EPSTI1: variants seen among roughly 807,000 people sequenced by gnomAD.
EPSTI1 encodes epithelial stromal interaction 1, also known as epithelial-stromal interaction protein 1.
Under a neutral mutation model 49.9 loss-of-function variants are expected in EPSTI1, and 66 were observed. The ratio of observed to expected loss-of-function variants is 1.32; its 90% CI spans 1.08 to 1.62. The LOEUF (loss-of-function observed/expected upper bound fraction) is 1.62. EPSTI1 is among the 40% of genes most tolerant of loss of function. The probability of loss-of-function intolerance (pLI) is 0.00; values close to 1 mark genes in which losing one functional copy is unlikely to be tolerated. For missense variants in EPSTI1, 394 were observed against 365.5 expected (o/e 1.08, Z -0.64); for synonymous variants, 137 against 130.7 (o/e 1.05, Z -0.33).
chr13:42,959,903 T>C (rs2039394376), intron 5 of EPSTI1, among the ~76,000 whole-genome samples: 1 of 152,264 alleles, frequency 6.6e-6, no homozygotes, highest in South Asian at 2.1e-4. Context: ...GCATCTATAC[T>C]GAATATGTAA....
chr13:42,967,308 A>AAAAG (rs1566167574), intron 3 of EPSTI1, among the ~76,000 whole-genome samples: 12 of 41,078 alleles, frequency 2.9e-4, no homozygotes, highest in Non-Finnish European at 4.2e-4. Context: ...AAAAAAAAAA[A>AAAAG]AAAGAAAATC....
At chr13:42,909,086 T>G (rs2037588508) in intron 8 of EPSTI1, among the ~76,000 whole-genome samples, 2 of 108,800 alleles carry the variant, frequency 1.8e-5, no homozygotes, top group Admixed American at 1.1e-4. Context: ...AGAGCGAAAC[T>G]CCATCTCAAA....
intron 6 of EPSTI1, among the ~76,000 whole-genome samples, chr13:42,952,766 G>A (rs1270897513): frequency 1.3e-5 from 2 of 152,188 alleles, no homozygotes; most frequent in African/African-American, 4.8e-5. Flanking sequence ...CTGGGTAGCA[G>A]AAACACAGTA....
Position 42,946,313 on chromosome 13 carries a change from T to C in EPSTI1, c.563+7635A>G, listed in dbSNP as rs192895188. Among the ~76,000 whole-genome samples the C allele has an allele frequency of 5.1e-3, 781 of 152,344 alleles. 8 individuals are homozygous for C. The highest frequency in any genetic ancestry group is 7.6e-3 in the Non-Finnish European group (516 of 68,034). On this transcript the variant is annotated intron_variant, in intron 6 of 10. Transcript: ENST00000313624. Reference sequence around the variant, plus strand: ...CTTTCCAATATTACAATCGGCAGGCTGAGCTCAAGGTGGTGCAAGGCAATT... The same window carrying C: ...CTTTCCAATATTACAATCGGCAGGCCGAGCTCAAGGTGGTGCAAGGCAATT...
chr13:42,986,396 C>A (rs979829605), intron 1 of EPSTI1, among the ~76,000 whole-genome samples: 1 of 105,130 alleles, frequency 9.5e-6, no homozygotes, highest in Admixed American at 8.7e-5. Flanking sequence ...CCCTAGACAG[C>A]TAGCTTAAGA....
In EPSTI1 at chr13:42,926,026, T is replaced by TGGAAGGAAGGAAGGAAGGAAGGAAGGAA. The variant is rs60372725; in HGVS notation, c.657+309_657+310insTTCCTTCCTTCCTTCCTTCCTTCCTTCC. On this transcript the variant is annotated intron_variant, in intron 7 of 10. Transcript: ENST00000313624. ...AAGGAAGGATGGATGGATGCATGGA[T>TGGAAGGAAGGAAGGAAGGAAGGAAGGAA]GGAAGGAAGGAAGGAAGGAAGGTAG... Among the ~76,000 whole-genome samples the TGGAAGGAAGGAAGGAAGGAAGGAAGGAA allele has an allele frequency of 8.2e-3, 1,172 of 142,690 alleles. 16 individuals are homozygous for TGGAAGGAAGGAAGGAAGGAAGGAAGGAA. The highest frequency in any genetic ancestry group is 0.033 in the South Asian group (139 of 4,162). The allele number at this position is 142,690 out of a possible 152,430, so 93.6% of individuals were successfully genotyped here.
chr13:42,958,018 C>G (rs1566156897), intron 5 of EPSTI1, among the ~76,000 whole-genome samples: 1 of 152,226 alleles, frequency 6.6e-6, no homozygotes, highest in Non-Finnish European at 1.5e-5. Context: ...GCAATCTTTC[C>G]TTCTTGGCCT....
At chr13:42,952,598 C>T (rs1347527289) in intron 6 of EPSTI1, among the ~76,000 whole-genome samples, 3 of 152,218 alleles carry the variant, frequency 2.0e-5, no homozygotes, top group African/African-American at 4.8e-5. Flanking sequence ...TTCCCACCAG[C>T]TCCTCACTCA....
chr13:42,925,186 C>A (rs986355851), intron 7 of EPSTI1, among the ~76,000 whole-genome samples: 1 of 152,216 alleles, frequency 6.6e-6, no homozygotes, highest in African/African-American at 2.4e-5. Flanking sequence ...CAGACTGATA[C>A]AGAAGCCTTG....
intron 1 of EPSTI1, 119 bp from the exon 2 acceptor site, chr13:42,970,789 T>G: frequency 2.7e-6 from 2 of 729,638 alleles, no homozygotes; most frequent in Non-Finnish European, 4.4e-6. Flanking sequence ...AAATAGGCAC[T>G]ATGAAAGATA....
rs368987420 is a variant in EPSTI1, at chr13:42,925,667, T to C, written c.657+669A>G. Among the ~76,000 whole-genome samples the C allele has an allele frequency of 2.0e-5, 3 of 152,352 alleles. No individual in the cohort carries two copies. In the East Asian group the frequency reaches 5.8e-4, roughly 29 times the overall value. ...TTCTGCACTGCAGCTACATAACTCT[T>C]CTTCCGCAACACAAGCCATGCTTAT... On this transcript the variant is annotated intron_variant, in intron 7 of 10. Transcript: ENST00000313624.
At chr13:42,956,463 C>T (rs868169479) in intron 5 of EPSTI1, among the ~76,000 whole-genome samples, 1 of 152,136 alleles carries the variant, frequency 6.6e-6, no homozygotes, top group Non-Finnish European at 1.5e-5. Context: ...TACTACACTC[C>T]ATTATATGGG....
At chr13:42,941,916 A>C (rs2038764359) in intron 6 of EPSTI1, among the ~76,000 whole-genome samples, 1 of 152,098 alleles carries the variant, frequency 6.6e-6, no homozygotes, top group African/African-American at 2.4e-5. Flanking sequence ...TTCTTTACAG[A>C]GTTTTTTGGT....
intron 9 of EPSTI1, 100 bp downstream of exon 9, chr13:42,900,210 C>T (rs563548737): frequency 5.4e-6 from 6 of 1,105,376 alleles, no homozygotes; most frequent in East Asian, 4.9e-5. Context: ...CATTCCAAAA[C>T]CATATTAATA....
chr13:42,926,049 T>C (rs5006406), intron 7 of EPSTI1, among the ~76,000 whole-genome samples: 3 of 12,240 alleles, frequency 2.5e-4, no homozygotes, highest in African/African-American at 9.6e-4. Flanking sequence ...GGAAGGAAGG[T>C]AGGAAGGATG....
rs570062319 is a variant in EPSTI1 at position 42,923,564 on chromosome 13, A to C, written c.657+2772T>G. 6.6e-5 allele frequency among the ~76,000 whole-genome samples: 10 copies of C among 152,280 alleles called. No individual in the cohort carries two copies. The East Asian group carries it at 1.7e-3, about 26-fold the overall frequency. ...TGACAGAGTGAGACCCTGTCTAAAA[A>C]TAAATAAATAAATAAAAAATGGGGG... is the stretch of plus-strand genomic sequence containing the variant. On this transcript the variant is annotated intron_variant, in intron 7 of 10. Coordinates refer to ENST00000313624, the MANE Select transcript of EPSTI1 (RefSeq NM_033255.5).
At chr13:42,968,953 C>CACACACACACACACA in intron 3 of EPSTI1, 141 bp downstream of exon 3, 5 of 605,638 alleles carry the variant, frequency 8.3e-6, no homozygotes, top group Admixed American at 3.2e-5. Context: ...CACACACACA[C>CACACACACACACACA]AATTAAATGC....
chr13:42,932,692 T>C lies in EPSTI1; in HGVS notation c.564-6263A>G, dbSNP rs148823285. Among the ~76,000 whole-genome samples, 561 of 150,986 alleles carry C rather than the reference T, an allele frequency of 3.7e-3. 2 individuals carry two copies. Among genetic ancestry groups the C allele is most frequent in the African/African-American group, 0.013 (522 of 41,138 alleles). On this transcript the variant is annotated intron_variant, in intron 6 of 10. Transcript: ENST00000313624. ...AAATCACTGGGCAAAAGTTTGCAGA[T>C]AACAGGATATTAGTATAGTCTTAAA... is the stretch of plus-strand genomic sequence containing the variant.
chr13:42,888,964 G>A (rs1181967288), intron 10 of EPSTI1, among the ~76,000 whole-genome samples: 2 of 152,218 alleles, frequency 1.3e-5, no homozygotes, highest in Non-Finnish European at 2.9e-5. Context: ...CTCCTACCAT[G>A]TGCAAAGGGT....
Sources: allele counts gnomAD v4.1 joint callset (sites outside exome capture counted in the v4.1 genomes callset), GRCh38; gene constraint gnomAD v4.1.1; transcripts MANE v1.5; gene names NCBI Gene and HGNC (gene_info 2026-07-23, HGNC 2026-07-21).